ITGBL1: variants seen among roughly 807,000 people sequenced by gnomAD.
The protein encoded by ITGBL1 is integrin subunit beta like 1, also known as integrin beta-like protein 1.
ITGBL1 carries 51 observed loss-of-function variants against 68.5 expected under a neutral mutation model. The ratio of observed to expected loss-of-function variants is 0.74; its 90% CI spans 0.59 to 0.94. ITGBL1 has a LOEUF of 0.94. Ranked by LOEUF, ITGBL1 falls within the 40% of genes least tolerant of loss-of-function variation. The probability of loss-of-function intolerance (pLI) is 0.00; values close to 1 mark genes in which losing one functional copy is unlikely to be tolerated. For missense variants in ITGBL1, 649 were observed against 647.4 expected (o/e 1.00, Z -0.03); for synonymous variants, 209 against 227.3 (o/e 0.92, Z 0.72).
rs139357343 is a variant in ITGBL1, at chr13:101,502,812, G to A, written c.316+48712G>A. ...TTTCCCCTAAATTCTCATGTGCCTCGTTCCAGGAAGAAAAAAAGAAAGATT... is the reference window on the plus strand; with the variant it reads ...TTTCCCCTAAATTCTCATGTGCCTCATTCCAGGAAGAAAAAAAGAAAGATT... On this transcript the variant is annotated intron_variant, in intron 2 of 10. Coordinates refer to ENST00000376180, the MANE Select transcript of ITGBL1 (RefSeq NM_004791.3). Among the ~76,000 whole-genome samples, 540 of 152,128 alleles carry A rather than the reference G, an allele frequency of 3.5e-3. 21 individuals are homozygous for A. The highest frequency in any genetic ancestry group is 0.028 in the Admixed American group (426 of 15,266).
rs140031617 is a variant in ITGBL1 at position 101,615,941 on chromosome 13, G to C, written c.1015+17642G>C. On this transcript the variant is annotated intron_variant, in intron 7 of 10. Transcript: ENST00000376180. ...TAGACACTGCATCTTCCGGTGGCTTGATCTTGGACTTCCCAGACTCCAGAG... is the reference window on the plus strand; with the variant it reads ...TAGACACTGCATCTTCCGGTGGCTTCATCTTGGACTTCCCAGACTCCAGAG... Among the ~76,000 whole-genome samples, 1,201 of 152,272 alleles carry C rather than the reference G, an allele frequency of 7.9e-3. 16 individuals are homozygous for C. The highest frequency in any genetic ancestry group is 0.028 in the African/African-American group (1,164 of 41,544).
At chr13:101,547,907 GTGTA>G (rs1566726573) in intron 2 of ITGBL1, among the ~76,000 whole-genome samples, 1 of 145,374 alleles carries the variant, frequency 6.9e-6, no homozygotes, top group East Asian at 2.0e-4. Flanking sequence ...CTCTGTGTGT[GTGTA>G]TATATATATA....
At chr13:101,635,493 A>G (rs1341936649) in intron 7 of ITGBL1, among the ~76,000 whole-genome samples, 1 of 152,088 alleles carries the variant, frequency 6.6e-6, no homozygotes, top group Non-Finnish European at 1.5e-5. Context: ...GTGAGGTTTA[A>G]AAAATCAGTC....
chr13:101,571,295 G>A (rs2050268051), intron 3 of ITGBL1, among the ~76,000 whole-genome samples: 1 of 152,052 alleles, frequency 6.6e-6, no homozygotes, highest in African/African-American at 2.4e-5. Flanking sequence ...AGGATTTGCA[G>A]TCCACCCCTC....
At chr13:101,708,810 G>T (rs981166932) in intron 9 of ITGBL1, among the ~76,000 whole-genome samples, 1 of 152,218 alleles carries the variant, frequency 6.6e-6, no homozygotes, top group Non-Finnish European at 1.5e-5. Flanking sequence ...CTCAGGCAAG[G>T]AGGCCATGCC....
chr13:101,481,563 T>G (rs12431251), intron 2 of ITGBL1, among the ~76,000 whole-genome samples: 102,075 of 151,650 alleles, frequency 0.67, 34,575 homozygotes, highest in Non-Finnish European at 0.71. Flanking sequence ...TTCCTCCACC[T>G]TATCCCAGAG....
intron 2 of ITGBL1, among the ~76,000 whole-genome samples, chr13:101,511,287 A>G (rs1224026785): frequency 6.6e-6 from 1 of 152,134 alleles, no homozygotes; most frequent in Non-Finnish European, 1.5e-5. Context: ...CTTATCAATG[A>G]GAACTCTTAA....
At chr13:101,673,582 A>C (rs2033428770) in intron 7 of ITGBL1, among the ~76,000 whole-genome samples, 1 of 152,214 alleles carries the variant, frequency 6.6e-6, no homozygotes, top group Non-Finnish European at 1.5e-5. Flanking sequence ...CCCCATGGTC[A>C]TTTGGCTGAT....
At chr13:101,549,245 A>G (rs987671772) in intron 2 of ITGBL1, among the ~76,000 whole-genome samples, 1 of 151,960 alleles carries the variant, frequency 6.6e-6, no homozygotes, top group African/African-American at 2.4e-5. Context: ...GACATACGAT[A>G]ACCATATTTT....
At chr13:101,600,595 A>G (rs899369764) in intron 7 of ITGBL1, among the ~76,000 whole-genome samples, 43 of 152,064 alleles carry the variant, frequency 2.8e-4, no homozygotes, top group African/African-American at 9.7e-4. Context: ...AGCTCTTATT[A>G]TTTTGAGATA....
At chr13:101,655,665 C>T (rs1330354645) in intron 7 of ITGBL1, among the ~76,000 whole-genome samples, 1 of 152,218 alleles carries the variant, frequency 6.6e-6, no homozygotes, top group African/African-American at 2.4e-5. Flanking sequence ...ATCCACTCTT[C>T]CTGCCAACAT....
chr13:101,680,259 C>T (rs375477933), intron 7 of ITGBL1, among the ~76,000 whole-genome samples: 8 of 152,120 alleles, frequency 5.3e-5, no homozygotes, highest in Admixed American at 1.3e-4. Context: ...ATTTGGCAGG[C>T]GCTTTCTCTA....
downstream of ITGBL1, chr13:101,718,935 T>TAAGA (rs2034822807): frequency 6.6e-6 from 1 of 151,936 alleles, no homozygotes; most frequent in Non-Finnish European, 1.5e-5. Context: ...TCACTCAAAG[T>TAAGA]AAGACCATGT....
chr13:101,579,222 G>C, intron 4 of ITGBL1, 65 bp from the exon 5 acceptor site: 2 of 1,559,534 alleles, frequency 1.3e-6, no homozygotes, highest in Non-Finnish European at 1.8e-6. Flanking sequence ...CAAAGAGATA[G>C]AAAGTTAATT....
At chr13:101,465,094 T>C (rs1290113567) in intron 2 of ITGBL1, among the ~76,000 whole-genome samples, 1 of 152,252 alleles carries the variant, frequency 6.6e-6, no homozygotes, top group Non-Finnish European at 1.5e-5. Flanking sequence ...TTTTAGGCTA[T>C]TCAAGTCACA....
At chr13:101,608,069 A>C (rs1166962119) in intron 7 of ITGBL1, among the ~76,000 whole-genome samples, 1 of 152,092 alleles carries the variant, frequency 6.6e-6, no homozygotes, top group Non-Finnish European at 1.5e-5. Flanking sequence ...CACCCCCATA[A>C]GGGAAGGTGT....
intron 6 of ITGBL1, among the ~76,000 whole-genome samples, chr13:101,596,355 G>A (rs2029969550): frequency 6.6e-6 from 1 of 152,140 alleles, no homozygotes; most frequent in African/African-American, 2.4e-5. Context: ...GAGATCTAAT[G>A]TACAGCATGG....
intron 2 of ITGBL1, among the ~76,000 whole-genome samples, chr13:101,512,520 A>G (rs537245942): frequency 6.6e-6 from 1 of 152,284 alleles, no homozygotes; most frequent in South Asian, 2.1e-4. Flanking sequence ...TTGAGTGGAC[A>G]TGAAGCTTTT....
intron 7 of ITGBL1, among the ~76,000 whole-genome samples, chr13:101,677,985 C>G (rs947856720): frequency 1.3e-5 from 2 of 152,156 alleles, no homozygotes; most frequent in African/African-American, 4.8e-5. Context: ...ATTATTGATA[C>G]GACCTTATTT....
Sources: gnomAD v4.1 joint callset for allele counts (sites outside exome capture counted in the v4.1 genomes callset) on GRCh38, gnomAD v4.1.1 for gene constraint, MANE v1.5 for transcripts, NCBI Gene and HGNC (gene_info 2026-07-23, HGNC 2026-07-21) for gene names.